Variants in ROBO2 observed in about 807,000 individuals in gnomAD.
The protein encoded by ROBO2 is roundabout guidance receptor 2, also known as roundabout homolog 2.
In ROBO2, 53 loss-of-function variants were observed where a neutral mutation model predicts 160.8. The observed-to-expected ratio is 0.33, with a 90% CI of 0.26 to 0.41. ROBO2 has a LOEUF of 0.41. ROBO2 is among the 10% of genes least tolerant of loss of function. The pLI is 1.00. For synonymous variants in ROBO2, 664 were observed against 611.7 expected (o/e 1.09, Z -1.26); for missense variants, 1,577 against 1,722.4 (o/e 0.92, Z 1.49).
intron 2 of ROBO2, among the ~76,000 whole-genome samples, chr3:76,390,996 A>G (rs72631204): frequency 0.035 from 5,339 of 152,294 alleles, 312 homozygotes; most frequent in East Asian, 0.25. Context: ...AAACATAGAA[A>G]TAATAAAATA....
Position 77,247,788 on chromosome 3 carries a change from C to G in ROBO2, c.388+149448C>G, listed in dbSNP as rs545619917. Among the ~76,000 whole-genome samples, 8 of 152,274 alleles carry G rather than the reference C, an allele frequency of 5.3e-5. No homozygotes were observed. The South Asian group carries it at 1.7e-3, about 32-fold the overall frequency. On this transcript the variant is annotated intron_variant, in intron 2 of 25. Coordinates refer to ENST00000461745, the Ensembl canonical transcript of ROBO2. Reference sequence around the variant, plus strand: ...CAGGGTTTGAATCCCAGATCTGCCACTTACTTACTAATCCTTTGAAACTAA... The same window carrying G: ...CAGGGTTTGAATCCCAGATCTGCCAGTTACTTACTAATCCTTTGAAACTAA...
chr3:77,336,260 A>G (rs2066484625), intron 2 of ROBO2, among the ~76,000 whole-genome samples: 1 of 152,154 alleles, frequency 6.6e-6, no homozygotes, highest in Admixed American at 6.5e-5. Context: ...ACATCATGGA[A>G]GGTGAGACTG....
At chr3:77,332,097 G>A (rs2066028597) in intron 2 of ROBO2, among the ~76,000 whole-genome samples, 1 of 152,136 alleles carries the variant, frequency 6.6e-6, no homozygotes. Flanking sequence ...ATGGCTTGAG[G>A]CAGTTCCACA....
intron 2 of ROBO2, among the ~76,000 whole-genome samples, chr3:76,225,487 G>C (rs868023859): frequency 2.0e-5 from 3 of 152,144 alleles, no homozygotes; most frequent in African/African-American, 7.2e-5. Context: ...AGCCAATGCA[G>C]GCAAATTGCT....
intron 2 of ROBO2, among the ~76,000 whole-genome samples, chr3:77,368,105 G>A (rs931656641): frequency 6.6e-6 from 1 of 152,082 alleles, no homozygotes; most frequent in African/African-American, 2.4e-5. Context: ...AACAGTGTTT[G>A]TCTATTAAAC....
intron 2 of ROBO2, among the ~76,000 whole-genome samples, chr3:76,950,001 C>T (rs2078862990): frequency 2.0e-5 from 3 of 152,210 alleles, no homozygotes. Flanking sequence ...TTTCTCTGTA[C>T]AAGGTTAGAA....
At chr3:76,631,691 G>A (rs78057933) in intron 2 of ROBO2, among the ~76,000 whole-genome samples, 2 of 152,114 alleles carry the variant, frequency 1.3e-5, no homozygotes, top group Non-Finnish European at 2.9e-5. Context: ...CAGGGTGTCA[G>A]ATGTCTCTTC....
chr3:77,186,063 A>G (rs775157553), intron 2 of ROBO2, among the ~76,000 whole-genome samples: 1 of 151,978 alleles, frequency 6.6e-6, no homozygotes, highest in Non-Finnish European at 1.5e-5. Context: ...ATAAAAGACT[A>G]CAAATTGGGT....
intron 2 of ROBO2, among the ~76,000 whole-genome samples, chr3:76,344,284 A>G (rs1171133390): frequency 6.6e-6 from 1 of 152,110 alleles, no homozygotes; most frequent in Non-Finnish European, 1.5e-5. Context: ...ATGCAACCTA[A>G]TTTTGCAAAT....
intron 2 of ROBO2, among the ~76,000 whole-genome samples, chr3:76,947,286 A>G (rs947420123): frequency 1.3e-5 from 2 of 152,088 alleles, no homozygotes; most frequent in African/African-American, 2.4e-5. Flanking sequence ...ATTCAAACCA[A>G]ATAAGATACC....
chr3:77,028,983 A>G (rs1046079210), intron 2 of ROBO2, among the ~76,000 whole-genome samples: 2 of 152,214 alleles, frequency 1.3e-5, no homozygotes, highest in Non-Finnish European at 2.9e-5. Context: ...ATTGATCAGC[A>G]TATCTACTGA....
intron 2 of ROBO2, among the ~76,000 whole-genome samples, chr3:76,926,909 G>A (rs142885501): frequency 2.8e-4 from 43 of 151,872 alleles, no homozygotes; most frequent in African/African-American, 1.0e-3. Context: ...TTTTTTTCAA[G>A]CATTCAAAGC....
rs138339709 is a variant in ROBO2, at chr3:77,478,782, C to T, written c.546+1211C>T. 4.0e-3 allele frequency among the ~76,000 whole-genome samples: 606 copies of T among 152,164 alleles called. 4 individuals are homozygous for T. The highest frequency in any genetic ancestry group is 0.013 in the African/African-American group (556 of 41,510). ...TACAAATGAGGATTTTTCCTCTGTG[C>T]ACAGTGAGATTACAACATAAAACAG... On this transcript the variant is annotated intron_variant, in intron 3 of 25. Transcript: ENST00000461745.
Position 76,797,523 on chromosome 3 carries a change from C to A in ROBO2, c.110-300491C>A, listed in dbSNP as rs577950557. Among the ~76,000 whole-genome samples the A allele has an allele frequency of 1.5e-4, 23 of 150,972 alleles. No homozygotes were observed. In the Middle Eastern group the frequency reaches 0.014, roughly 90 times the overall value. On this transcript the variant is annotated intron_variant, in intron 2 of 26. Transcript: ENST00000487694. ...ATAAACAACCTAACATCATAAGGAA[C>A]TAGAAAAGCAAGAACAAATCATACC...
At chr3:76,406,990 C>G (rs779582886) in intron 2 of ROBO2, among the ~76,000 whole-genome samples, 2 of 142,688 alleles carry the variant, frequency 1.4e-5, no homozygotes, top group African/African-American at 2.7e-5. Context: ...CCAGACCACC[C>G]TGAGTTGTTT....
intron 2 of ROBO2, among the ~76,000 whole-genome samples, chr3:76,510,248 A>C (rs2081015812): frequency 1.3e-5 from 2 of 152,204 alleles, no homozygotes; most frequent in South Asian, 4.1e-4. Flanking sequence ...TGATAAGAAA[A>C]AGGGTAAGCA....
At chr3:76,879,287 G>A (rs955034970) in intron 2 of ROBO2, among the ~76,000 whole-genome samples, 13 of 152,082 alleles carry the variant, frequency 8.5e-5, no homozygotes, top group South Asian at 6.2e-4. Context: ...TTTAATGTGC[G>A]TTTGGGTCAC....
intron 2 of ROBO2, among the ~76,000 whole-genome samples, chr3:77,353,613 C>A (rs1387422512): frequency 6.6e-6 from 1 of 152,048 alleles, no homozygotes; most frequent in Non-Finnish European, 1.5e-5. Context: ...TGGGTTCAGG[C>A]AATTCTCCTG....
intron 2 of ROBO2, among the ~76,000 whole-genome samples, chr3:76,272,908 T>TATATATAA (rs1707613942): frequency 3.0e-5 from 1 of 33,298 alleles, no homozygotes; most frequent in Non-Finnish European, 6.4e-5. Flanking sequence ...AATATATATT[T>TATATATAA]ATATATAAAA....
Sources: gnomAD v4.1 joint callset for allele counts (sites outside exome capture counted in the v4.1 genomes callset) on GRCh38, gnomAD v4.1.1 for gene constraint, MANE v1.5 for transcripts, NCBI Gene and HGNC (gene_info 2026-07-23, HGNC 2026-07-21) for gene names.